DNAJC3: variants seen among roughly 807,000 people sequenced by gnomAD.
DNAJC3 encodes DnaJ heat shock protein family (Hsp40) member C3, also known as dnaJ homolog subfamily C member 3.
DNAJC3 carries 38 observed loss-of-function variants against 68.6 expected under a neutral mutation model. The ratio of observed to expected loss-of-function variants is 0.55; its 90% CI spans 0.43 to 0.73. The LOEUF (loss-of-function observed/expected upper bound fraction) is 0.73. DNAJC3 is among the 30% of genes least tolerant of loss of function. The probability of loss-of-function intolerance (pLI) is 0.00; values close to 1 mark genes in which losing one functional copy is unlikely to be tolerated. For synonymous variants in DNAJC3, 203 were observed against 204.0 expected (o/e 1.00, Z 0.04); for missense variants, 526 against 591.9 (o/e 0.89, Z 1.16).
intron 1 of DNAJC3, among the ~76,000 whole-genome samples, chr13:95,688,123 A>T (rs1046529922): frequency 7.9e-5 from 12 of 152,138 alleles, no homozygotes; most frequent in African/African-American, 2.7e-4. Context: ...CTTGTACATT[A>T]ATTTTATATC....
chr13:95,726,952 T>C lies in DNAJC3; in HGVS notation c.393+1700T>C, dbSNP rs572951602. On this transcript the variant is annotated intron_variant, in intron 4 of 11. Coordinates refer to ENST00000602402, the MANE Select transcript of DNAJC3 (RefSeq NM_006260.5). ...AATTGTATTGGATCAGAAACTGCCTTGTGGTCTCAATAAAATCGGCTGTCA... is the reference window on the plus strand; with the variant it reads ...AATTGTATTGGATCAGAAACTGCCTCGTGGTCTCAATAAAATCGGCTGTCA... Among the ~76,000 whole-genome samples, 36 of 152,304 alleles carry C rather than the reference T, an allele frequency of 2.4e-4. 1 individual carries two copies. The highest frequency in any genetic ancestry group is 7.9e-4 in the African/African-American group (33 of 41,568).
intron 2 of DNAJC3, among the ~76,000 whole-genome samples, chr13:95,719,205 A>T (rs1163070492): frequency 6.6e-6 from 1 of 152,212 alleles, no homozygotes; most frequent in Non-Finnish European, 1.5e-5. Flanking sequence ...GGCATATGGG[A>T]AGGGATATGG....
chr13:95,714,066 A>G (rs1048589047), intron 2 of DNAJC3, among the ~76,000 whole-genome samples: 1 of 152,212 alleles, frequency 6.6e-6, no homozygotes, highest in African/African-American at 2.4e-5. Context: ...TATTAGAAAA[A>G]TATGGCTTTG....
At chr13:95,711,374 A>G (rs1200577431) in intron 2 of DNAJC3, among the ~76,000 whole-genome samples, 5 of 152,028 alleles carry the variant, frequency 3.3e-5, no homozygotes, top group Non-Finnish European at 7.4e-5. Context: ...GTGGCCACCT[A>G]TAATCCTAGC....
At chr13:95,722,619 A>AG (rs1051304171) in intron 2 of DNAJC3, among the ~76,000 whole-genome samples, 3 of 151,390 alleles carry the variant, frequency 2.0e-5, no homozygotes, top group African/African-American at 7.3e-5. Context: ...AAATTAAAAA[A>AG]AAAAAAAAAT....
intron 9 of DNAJC3, among the ~76,000 whole-genome samples, chr13:95,780,578 G>C (rs1289094136): frequency 6.6e-6 from 1 of 152,206 alleles, no homozygotes; most frequent in Non-Finnish European, 1.5e-5. Flanking sequence ...CCCTTGTACA[G>C]TTTCTTTGTA....
intron 3 of DNAJC3, among the ~76,000 whole-genome samples, chr13:95,724,906 G>A (rs949078512): frequency 5.3e-5 from 8 of 151,958 alleles, no homozygotes; most frequent in African/African-American, 1.9e-4. Context: ...TCCACTTTTT[G>A]GCTATCATTG....
At chr13:95,692,569 A>T (rs1423302355) in intron 1 of DNAJC3, 2 of 151,952 alleles carry the variant, frequency 1.3e-5, no homozygotes, top group East Asian at 1.9e-4. Context: ...GCCCTACTCC[A>T]CTCTAGCGCT....
Position 95,757,797 on chromosome 13 carries a change from G to T in DNAJC3, c.546+1G>T. 6.5e-7 allele frequency: 1 copy of T among 1,535,072 alleles called. No individual in the cohort carries two copies. On this transcript the variant is annotated splice_donor_variant, in intron 5 of 11. Coordinates refer to ENST00000602402, the MANE Select transcript of DNAJC3 (RefSeq NM_006260.5). LOFTEE classifies it high-confidence loss of function. ...AGCCTTCCTTGATAAGATTTTAGAG[G>T]TAAGTTTCTTAGATACTGCAGTTGA...
In DNAJC3 at chr13:95,763,884, G is replaced by A. The variant is rs1176595983; in HGVS notation, c.1006G>A (p.Glu336Lys). The change falls in exon 9 of 12, where the codon GAA (glutamate) becomes AAA (lysine). Residue 336 changes from glutamate (E) to lysine (K), a missense_variant. Physicochemically the swap from Glu to Lys is moderately conservative, Grantham distance 56. Transcript: ENST00000602402. ...IRVCSEVLQM[E>K]PDNVNALKDR... ...GGTTTGTTCTGAAGTTTTACAGATG[G>A]AACCTGACAATGTGAATGCCCTGAA... is the stretch of plus-strand genomic sequence containing the variant. 4 of 1,614,072 alleles carry A rather than the reference G, an allele frequency of 2.5e-6. No homozygotes were observed. The South Asian group carries it at 4.4e-5, about 18-fold the overall frequency.
At chr13:95,739,462 A>G (rs1882050334) in intron 4 of DNAJC3, among the ~76,000 whole-genome samples, 1 of 151,468 alleles carries the variant, frequency 6.6e-6, no homozygotes, top group Non-Finnish European at 1.5e-5. Flanking sequence ...CAGGTACACC[A>G]GTCAGACGTA....
chr13:95,757,562 G>A (rs1882699177), intron 4 of DNAJC3, 82 bp from the exon 5 acceptor site: 4 of 1,318,920 alleles, frequency 3.0e-6, no homozygotes, highest in Non-Finnish European at 4.0e-6. Flanking sequence ...TTAAGTATTT[G>A]GAATGGTTTA....
chr13:95,702,591 A>G (rs1880614717), intron 1 of DNAJC3, among the ~76,000 whole-genome samples: 1 of 152,184 alleles, frequency 6.6e-6, no homozygotes, highest in Non-Finnish European at 1.5e-5. Context: ...GGCCTGAAGG[A>G]GCTTGTTTTC....
chr13:95,725,054 C>A (rs1881460780), intron 3 of DNAJC3, 124 bp from the exon 4 acceptor site: 1 of 554,064 alleles, frequency 1.8e-6, no homozygotes, highest in South Asian at 6.2e-5. Context: ...GGTGTCAAGT[C>A]AGATGTGCAC....
chr13:95,702,359 C>G (rs1252997190), intron 1 of DNAJC3, among the ~76,000 whole-genome samples: 1 of 152,192 alleles, frequency 6.6e-6, no homozygotes, highest in African/African-American at 2.4e-5. Context: ...AGGAGAAATG[C>G]GTTGGCTACT....
Position 95,792,452 on chromosome 13 carries a change from ATTT to A in DNAJC3, c.*1429_*1431del, listed in dbSNP as rs926231657. On this transcript the variant is annotated 3_prime_UTR_variant, in exon 12 of 12. Coordinates refer to ENST00000602402, the MANE Select transcript of DNAJC3 (RefSeq NM_006260.5). ...AGTGTTTTAACCATTAAAGGGTCTA[ATTT>A]TTTTTTCTTAATGAAATCAAGCATT... 74 of 151,804 alleles carry A rather than the reference ATTT, an allele frequency of 4.9e-4. No individual in the cohort carries two copies. Among genetic ancestry groups the A allele is most frequent in the African/African-American group, 1.5e-3 (63 of 41,416 alleles). The allele number at this position is 151,804 out of a possible 1,614,324, so 9.4% of individuals were successfully genotyped here.
chr13:95,757,780 T>C lies in DNAJC3; in HGVS notation c.530T>C (p.Leu177Pro). Residue 177 changes from leucine (L) to proline (P), a missense_variant, in exon 5 of 12, where the codon CTT becomes CCT. Transcript: ENST00000602402. ...GATTATACTGCTGCTATAGCCTTCCTTGATAAGATTTTAGAGGTAAGTTTC... is the reference window on the plus strand; with the variant it reads ...GATTATACTGCTGCTATAGCCTTCCCTGATAAGATTTTAGAGGTAAGTTTC... ...SGDYTAAIAF[L>P]DKILEVCVWD... 6.5e-7 allele frequency: 1 copy of C among 1,542,826 alleles called. No homozygotes were observed. The highest frequency in any genetic ancestry group is 8.9e-7 in the Non-Finnish European group (1 of 1,128,068).
At chr13:95,779,412 T>C (rs371201628) in intron 9 of DNAJC3, among the ~76,000 whole-genome samples, 152 of 152,252 alleles carry the variant, frequency 1.0e-3, no homozygotes, top group South Asian at 2.7e-3. Context: ...GCATGAGCCA[T>C]CGCGCCCGGC....
At chr13:95,720,845 CTTTT>C (rs2139638168) in intron 2 of DNAJC3, among the ~76,000 whole-genome samples, 1 of 151,610 alleles carries the variant, frequency 6.6e-6, no homozygotes, top group Admixed American at 6.6e-5. Context: ...TACCTAATTC[CTTTT>C]TTAAAAAATA....
Sources: gnomAD v4.1 joint callset for allele counts (sites outside exome capture counted in the v4.1 genomes callset) on GRCh38, gnomAD v4.1.1 for gene constraint, MANE v1.5 for transcripts, NCBI Gene and HGNC (gene_info 2026-07-23, HGNC 2026-07-21) for gene names.